SEMA5B: variants seen among roughly 807,000 people sequenced by gnomAD.
SEMA5B encodes the protein semaphorin 5B.
Under a neutral mutation model 135.0 loss-of-function variants are expected in SEMA5B, and 66 were observed. The observed-to-expected ratio is 0.49, with a 90% CI of 0.40 to 0.60. The LOEUF is 0.60. Among genes scored for constraint, SEMA5B ranks in the 20% least tolerant of loss-of-function variants. The pLI is 0.00. For missense variants in SEMA5B, 1,501 were observed against 1,566.3 expected (o/e 0.96, Z 0.70); for synonymous variants, 690 against 639.5 (o/e 1.08, Z -1.19).
intron 1 of SEMA5B, among the ~76,000 whole-genome samples, chr3:122,967,266 A>G (rs6764971): frequency 0.23 from 34,945 of 152,166 alleles, 4,121 homozygotes; most frequent in Middle Eastern, 0.3. Flanking sequence ...TTTTGAATGT[A>G]ATCTTGTAGA....
In SEMA5B at chr3:122,978,036, G is replaced by A. The variant is rs1225639266; in HGVS notation, c.-38-16735C>T. 2.0e-5 allele frequency among the ~76,000 whole-genome samples: 3 copies of A among 152,380 alleles called. No individual in the cohort carries two copies. The East Asian group carries it at 5.8e-4, about 29-fold the overall frequency. On this transcript the variant is annotated intron_variant, in intron 1 of 22. Transcript: ENST00000357599. ...CTAGGGGCTCTGTGAATGGCCCCCA[G>A]TGGAGTGATGGCAGATGCGGAACCA...
At chr3:122,974,008 G>T (rs1019047827) in intron 1 of SEMA5B, among the ~76,000 whole-genome samples, 2 of 152,212 alleles carry the variant, frequency 1.3e-5, no homozygotes, top group Admixed American at 6.5e-5. Flanking sequence ...CTAGGAGCAG[G>T]CTGCCGTTCC....
chr3:122,922,532 G>C, intron 10 of SEMA5B, 85 bp from the exon 11 acceptor site: 1 of 1,300,204 alleles, frequency 7.7e-7, no homozygotes, highest in Non-Finnish European at 1.1e-6. Flanking sequence ...GGCAACCCAG[G>C]TGGCCACAGC....
At chr3:122,928,440 C>A in intron 7 of SEMA5B, 77 bp downstream of exon 7, 1 of 1,210,102 alleles carries the variant, frequency 8.3e-7, no homozygotes, top group Non-Finnish European at 1.2e-6. Flanking sequence ...GGTAACCCCC[C>A]TTCAAGGCTG....
At chr3:122,944,470 T>C (rs957931145) in intron 3 of SEMA5B, among the ~76,000 whole-genome samples, 2 of 152,214 alleles carry the variant, frequency 1.3e-5, no homozygotes, top group Non-Finnish European at 2.9e-5. Context: ...CTTTGCTTCC[T>C]AGATCTCCAG....
chr3:123,003,610 G>A (rs900270563), intron 1 of SEMA5B, among the ~76,000 whole-genome samples: 4 of 152,088 alleles, frequency 2.6e-5, no homozygotes, highest in South Asian at 2.1e-4. Context: ...CAAGGCAGGC[G>A]AATCACGAGG....
chr3:122,989,053 CT>C (rs931448837), intron 1 of SEMA5B, among the ~76,000 whole-genome samples: 1 of 152,222 alleles, frequency 6.6e-6, no homozygotes, highest in African/African-American at 2.4e-5. Flanking sequence ...AGAAGTCCCT[CT>C]TCTCCAAAAT....
intron 1 of SEMA5B, among the ~76,000 whole-genome samples, chr3:123,024,947 G>T (rs1279739724): frequency 2.0e-5 from 3 of 152,158 alleles, no homozygotes; most frequent in African/African-American, 7.2e-5. Context: ...CCCTCTGTAG[G>T]CATTTGAATT....
chr3:122,916,277 A>G (rs571196619), intron 12 of SEMA5B, among the ~76,000 whole-genome samples: 23 of 152,342 alleles, frequency 1.5e-4, no homozygotes, highest in African/African-American at 4.1e-4. Flanking sequence ...GTTAACAGGA[A>G]CCCAAAGAGG....
chr3:122,942,082 A>C (rs1487591764), intron 4 of SEMA5B, among the ~76,000 whole-genome samples: 1 of 151,868 alleles, frequency 6.6e-6, no homozygotes, highest in Admixed American at 6.6e-5. Flanking sequence ...TTCACCATAT[A>C]CTCCTTTGTA....
chr3:123,003,247 A>G (rs948791244), intron 1 of SEMA5B, among the ~76,000 whole-genome samples: 4 of 152,208 alleles, frequency 2.6e-5, no homozygotes, highest in Non-Finnish European at 5.9e-5. Flanking sequence ...ACCTTTGGAG[A>G]AACCGAAACA....
intron 1 of SEMA5B, among the ~76,000 whole-genome samples, chr3:122,967,855 G>T (rs1940937862): frequency 6.6e-6 from 1 of 152,236 alleles, no homozygotes. Context: ...AAGGAGGTAG[G>T]GGAAGAAGTA....
chr3:122,961,931 T>C (rs1393987164), intron 1 of SEMA5B, among the ~76,000 whole-genome samples: 1 of 152,252 alleles, frequency 6.6e-6, no homozygotes, highest in East Asian at 1.9e-4. Context: ...TTCTAGAGGC[T>C]GCCCACATTC....
At chr3:122,961,418 C>A in intron 1 of SEMA5B, 117 bp from the exon 2 acceptor site, 1 of 911,674 alleles carries the variant, frequency 1.1e-6, no homozygotes, top group Non-Finnish European at 1.6e-6. Flanking sequence ...GTGTTTGTTT[C>A]TTGGTGCTGC....
At position 122,997,519 on chromosome 3, in the gene SEMA5B, C is replaced by CT. The variant is rs974910795; in HGVS notation, c.-39+29944_-39+29945insA. Reference sequence around the variant, plus strand: ...CTACCTGGCTGGTCCCCAGGCCTCTCCCCCCCCCGTCTCCACCAGGGCATG... The same window carrying CT: ...CTACCTGGCTGGTCCCCAGGCCTCTCTCCCCCCCCGTCTCCACCAGGGCATG... On this transcript the variant is annotated intron_variant, in intron 1 of 22. Coordinates refer to ENST00000357599, the MANE Select transcript of SEMA5B (RefSeq NM_001031702.4). 2.9e-3 allele frequency among the ~76,000 whole-genome samples: 375 copies of CT among 129,966 alleles called. 5 individuals are homozygous for CT. The highest frequency in any genetic ancestry group is 3.5e-3 in the Non-Finnish European group (208 of 60,232). 85.3% of individuals were successfully genotyped at this position (129,966 alleles called of 152,430 possible). A position where few individuals can be genotyped will look rare whatever the true frequency, so the allele number is the denominator to read the frequency against.
chr3:123,017,920 A>AC (rs1560450446), intron 1 of SEMA5B, among the ~76,000 whole-genome samples: 1 of 121,302 alleles, frequency 8.2e-6, no homozygotes, highest in Non-Finnish European at 1.6e-5. Flanking sequence ...TCAAAAAAAG[A>AC]AAAAAAAAAA....
At chr3:123,008,338 G>A (rs547167977) in intron 1 of SEMA5B, among the ~76,000 whole-genome samples, 72 of 152,346 alleles carry the variant, frequency 4.7e-4, no homozygotes, top group Admixed American at 1.1e-3. Context: ...ACTCCATGGG[G>A]ACAGGGTTCT....
At chr3:122,949,779 G>A (rs1939963488) in intron 2 of SEMA5B, among the ~76,000 whole-genome samples, 1 of 152,046 alleles carries the variant, frequency 6.6e-6, no homozygotes, top group African/African-American at 2.4e-5. Flanking sequence ...TGATAAACTG[G>A]TTCATCTGAC....
intron 1 of SEMA5B, among the ~76,000 whole-genome samples, chr3:123,023,839 A>G (rs1054432376): frequency 6.6e-6 from 1 of 152,194 alleles, no homozygotes; most frequent in Non-Finnish European, 1.5e-5. Flanking sequence ...TGTTGTATCC[A>G]TGGCTCCTAG....
Sources: gnomAD v4.1 joint callset for allele counts (sites outside exome capture counted in the v4.1 genomes callset) on GRCh38, gnomAD v4.1.1 for gene constraint, MANE v1.5 for transcripts, NCBI Gene and HGNC (gene_info 2026-07-23, HGNC 2026-07-21) for gene names.